The following GNAO1 variants were observed in gnomAD, a reference collection of about 807,000 sequenced individuals.
GNAO1 encodes the protein G protein subunit alpha o1, also known as guanine nucleotide-binding protein G(o) subunit alpha.
For missense variants in GNAO1, 166 were observed against 478.7 expected (o/e 0.35, Z 6.10); for synonymous variants, 164 against 180.7 (o/e 0.91, Z 0.74).
chr16:56,237,028 G>C (rs1315045143), intron 2 of GNAO1, among the ~76,000 whole-genome samples: 2 of 152,130 alleles, frequency 1.3e-5, no homozygotes, highest in African/African-American at 4.8e-5. Flanking sequence ...ATAGAACTTA[G>C]GTCATAAAAT....
intron 4 of GNAO1, among the ~76,000 whole-genome samples, chr16:56,333,070 C>A (rs1319409303): frequency 6.6e-6 from 1 of 152,246 alleles, no homozygotes; most frequent in Non-Finnish European, 1.5e-5. Flanking sequence ...GGCAGTCAGG[C>A]TCAGGAGAGG....
rs1235721354 is a variant in GNAO1 at position 56,333,330 on chromosome 16, A to AGAG, written c.465-1398_465-1397insAGG. ...TGGGTTGAAGCGATTCTCCTGCCTC[A>AGAG]GCCTCCTGAGTGCTGGGATTATAGG... On this transcript the variant is annotated intron_variant, in intron 4 of 8. Transcript: ENST00000262493. 3.3e-5 allele frequency among the ~76,000 whole-genome samples: 5 copies of AGAG among 150,944 alleles called. No homozygotes were observed. In the East Asian group the frequency reaches 9.8e-4, roughly 30 times the overall value.
intron 6 of GNAO1, among the ~76,000 whole-genome samples, chr16:56,338,682 C>G (rs535496586): frequency 6.6e-6 from 1 of 152,228 alleles, no homozygotes; most frequent in Admixed American, 6.5e-5. Flanking sequence ...CAACCCAAGT[C>G]CCAGGCCCAC....
chr16:56,208,668 C>A (rs1410415653), intron 2 of GNAO1, among the ~76,000 whole-genome samples: 1 of 152,092 alleles, frequency 6.6e-6, no homozygotes, highest in Non-Finnish European at 1.5e-5. Context: ...TCAATTTTAC[C>A]AAACCAATAG....
At chr16:56,287,324 G>A (rs1198892520) in intron 3 of GNAO1, among the ~76,000 whole-genome samples, 1 of 152,266 alleles carries the variant, frequency 6.6e-6, no homozygotes, top group African/African-American at 2.4e-5. Flanking sequence ...CACTGCCCCA[G>A]AGGGCGGGCA....
intron 2 of GNAO1, among the ~76,000 whole-genome samples, chr16:56,225,342 C>T (rs1224072603): frequency 3.3e-5 from 5 of 152,246 alleles, no homozygotes; most frequent in East Asian, 1.9e-4. Flanking sequence ...GGAGCTAATA[C>T]GTGTTCCTAC....
chr16:56,344,855 T>G (rs2037847430), intron 6 of GNAO1: 1 of 985,306 alleles, frequency 1.0e-6, no homozygotes, highest in African/African-American at 1.7e-5. Flanking sequence ...CAAAGGCCTT[T>G]GGGCTGGGGA....
At chr16:56,218,711 G>GT (rs2036457531) in intron 2 of GNAO1, among the ~76,000 whole-genome samples, 1 of 152,142 alleles carries the variant, frequency 6.6e-6, no homozygotes, top group Admixed American at 6.5e-5. Flanking sequence ...ATCCGTGTTT[G>GT]TAAGATTTTG....
intron 3 of GNAO1, chr16:56,302,051 A>T (rs772359095): frequency 6.6e-6 from 1 of 152,240 alleles, no homozygotes; most frequent in Non-Finnish European, 1.5e-5. Context: ...ACCTCTGTCC[A>T]GTCCCACACT....
chr16:56,238,984 A>G (rs548457782), intron 2 of GNAO1, among the ~76,000 whole-genome samples: 4 of 152,334 alleles, frequency 2.6e-5, no homozygotes, highest in African/African-American at 7.2e-5. Context: ...TCCCATATCT[A>G]CATATATGAT....
In GNAO1 at chr16:56,265,633, G is replaced by A. The variant is rs749951558; in HGVS notation, c.162-10298G>A. ...TTTTTCTTCTTTTTTGCTTAGCTGT[G>A]TGGGCTATAATCTATAAGTGTTCCA... On this transcript the variant is annotated intron_variant, in intron 2 of 8. Transcript: ENST00000262493. Among the ~76,000 whole-genome samples the A allele has an allele frequency of 8.2e-4, 125 of 152,124 alleles. 3 individuals carry two copies. Among genetic ancestry groups the A allele is most frequent in the Non-Finnish European group, 1.2e-4 (8 of 68,030 alleles).
chr16:56,221,396 T>A (rs1331219241), intron 2 of GNAO1, among the ~76,000 whole-genome samples: 1 of 152,038 alleles, frequency 6.6e-6, no homozygotes, highest in Non-Finnish European at 1.5e-5. Flanking sequence ...AAGCCTGTAA[T>A]ACCAACACTT....
At position 56,351,554 on chromosome 16, in the gene GNAO1, C is replaced by G. The variant is rs1251496095; in HGVS notation, c.877+17C>G. On this transcript the variant is annotated intron_variant, in intron 7 of 8. Transcript: ENST00000262493. The surrounding 1 kb of genome is among the most constrained non-coding windows in gnomAD (Gnocchi z 6.1). ...AATACACAGGTGGGTGCCAGGCAGT[C>G]CTGTGCAGGGGGAAGCCTGCCCCTG... The G allele has an allele frequency of 6.2e-7, 1 of 1,604,496 alleles. No homozygotes were observed. The highest frequency in any genetic ancestry group is 2.2e-5 in the East Asian group (1 of 44,850).
chr16:56,281,979 A>G (rs1202041984), intron 3 of GNAO1, among the ~76,000 whole-genome samples: 7 of 152,254 alleles, frequency 4.6e-5, no homozygotes, highest in African/African-American at 1.7e-4. Flanking sequence ...AAACAAATGG[A>G]CTAGTAGCAG....
intron 2 of GNAO1, among the ~76,000 whole-genome samples, chr16:56,199,657 T>C (rs1018919244): frequency 2.6e-5 from 4 of 152,214 alleles, no homozygotes; most frequent in African/African-American, 9.6e-5. Context: ...CATCTGTTAA[T>C]TGGGATGTGG....
chr16:56,235,201 T>C (rs1467718969), intron 2 of GNAO1: 2 of 405,178 alleles, frequency 4.9e-6, no homozygotes, highest in South Asian at 1.9e-5. Context: ...TTATGTCTTC[T>C]AGCATTTGAC....
chr16:56,346,512 C>T (rs1378896374), intron 6 of GNAO1: 1 of 985,334 alleles, frequency 1.0e-6, no homozygotes. Context: ...CGCTGACCAT[C>T]CTAAGAACCA....
intron 2 of GNAO1, among the ~76,000 whole-genome samples, chr16:56,225,617 G>A (rs1189880967): frequency 6.6e-6 from 1 of 152,136 alleles, no homozygotes; most frequent in Non-Finnish European, 1.5e-5. Context: ...CTAATGGGAG[G>A]GTGGAGTTCA....
At chr16:56,241,042 G>A (rs146512577) in intron 2 of GNAO1, among the ~76,000 whole-genome samples, 125 of 152,340 alleles carry the variant, frequency 8.2e-4, no homozygotes, top group African/African-American at 2.9e-3. Context: ...TGTGTACATG[G>A]TGGCCCAGGC....
Sources: allele counts gnomAD v4.1 joint callset (sites outside exome capture counted in the v4.1 genomes callset), GRCh38; gene constraint gnomAD v4.1.1; non-coding constraint Gnocchi (gnomAD v3.1); transcripts MANE v1.5; gene names NCBI Gene and HGNC (gene_info 2026-07-23, HGNC 2026-07-21).